The following SH3GL3 variants were observed in gnomAD, a reference collection of about 807,000 sequenced individuals.
SH3GL3 encodes the protein SH3 domain containing GRB2 like 3, endophilin A3.
A neutral mutation model predicts 47.7 loss-of-function variants in SH3GL3; 33 were observed. That is an observed-to-expected ratio of 0.69 (90% CI 0.52 to 0.92). The LOEUF is 0.92. SH3GL3 is among the 40% of genes least tolerant of loss of function. The probability of loss-of-function intolerance (pLI) is 0.00; values close to 1 mark genes in which losing one functional copy is unlikely to be tolerated. For synonymous variants in SH3GL3, 155 were observed against 148.8 expected, an observed-to-expected ratio of 1.04 and a Z score of -0.30; for missense variants, 363 against 417.8, an observed-to-expected ratio of 0.87 and a Z score of 1.14.
At chr15:83,596,689 C>T (rs1428724140) in intron 8 of SH3GL3, among the ~76,000 whole-genome samples, 2 of 152,104 alleles carry the variant, frequency 1.3e-5, no homozygotes, top group Admixed American at 1.3e-4. Flanking sequence ...AGGCTGGTCT[C>T]CAACTCCTGG....
intron 1 of SH3GL3, among the ~76,000 whole-genome samples, chr15:83,487,899 C>G (rs536181272): frequency 7.1e-6 from 1 of 139,958 alleles, no homozygotes; most frequent in Non-Finnish European, 1.5e-5. Context: ...TTTCCTGAGA[C>G]GGAGTCTTGC....
intron 1 of SH3GL3, among the ~76,000 whole-genome samples, chr15:83,463,767 C>CTTTTTTTTTTTTTT (rs910419812): frequency 8.1e-6 from 1 of 122,924 alleles, no homozygotes; most frequent in East Asian, 2.4e-4. Context: ...TTCTTTCTTT[C>CTTTTTTTTTTTTTT]TTTTTTTTTT....
At chr15:83,618,900 C>T (rs760500761), downstream of SH3GL3, among the ~76,000 whole-genome samples, 11 of 152,214 alleles carry the variant, frequency 7.2e-5, no homozygotes, top group Non-Finnish European at 1.2e-4. Context: ...AAACATGACA[C>T]GAATCCTCCT....
intron 1 of SH3GL3, among the ~76,000 whole-genome samples, chr15:83,450,790 CTT>C (rs11389151): frequency 4.4e-5 from 2 of 45,396 alleles, no homozygotes; most frequent in African/African-American, 2.0e-4. Flanking sequence ...TATAGATTTT[CTT>C]TTTTTTTTTT....
intron 2 of SH3GL3, among the ~76,000 whole-genome samples, 184 bp from the exon 3 acceptor site, chr15:83,564,950 G>A (rs1215000548): frequency 6.6e-6 from 1 of 152,112 alleles, no homozygotes; most frequent in Non-Finnish European, 1.5e-5. Context: ...AGGAAATGAT[G>A]TTCCAAAAAT....
At chr15:83,620,359 A>C (rs1030185606), downstream of SH3GL3, among the ~76,000 whole-genome samples, 22 of 152,230 alleles carry the variant, frequency 1.4e-4, no homozygotes, top group Non-Finnish European at 4.4e-5. Flanking sequence ...ATCCATCAAT[A>C]GAATCACTAG....
At chr15:83,617,617 A>T (rs1234179099) in intron 8 of SH3GL3, among the ~76,000 whole-genome samples, 1 of 152,224 alleles carries the variant, frequency 6.6e-6, no homozygotes, top group Admixed American at 6.5e-5. Flanking sequence ...CAGAGGTTAC[A>T]GTAAGCCAGG....
intron 8 of SH3GL3, among the ~76,000 whole-genome samples, chr15:83,592,544 C>G (rs1281439048): frequency 6.6e-6 from 1 of 152,182 alleles, no homozygotes; most frequent in East Asian, 1.9e-4. Context: ...TAAAGTTTGG[C>G]TTTCACTCCT....
chr15:83,450,251 G>T (rs1440098361), intron 1 of SH3GL3, among the ~76,000 whole-genome samples: 1 of 152,184 alleles, frequency 6.6e-6, no homozygotes, highest in East Asian at 1.9e-4. Flanking sequence ...CACTTTAAGA[G>T]AATTGTATGG....
chr15:83,457,105 A>C (rs930058037), intron 1 of SH3GL3, among the ~76,000 whole-genome samples: 6 of 152,184 alleles, frequency 3.9e-5, no homozygotes, highest in Non-Finnish European at 5.9e-5. Context: ...TTTATTGTTG[A>C]AGAAGGAAGT....
At chr15:83,581,522 C>T (rs1391681118) in intron 6 of SH3GL3, among the ~76,000 whole-genome samples, 2 of 152,214 alleles carry the variant, frequency 1.3e-5, no homozygotes, top group African/African-American at 4.8e-5. Context: ...AGCCAGATGA[C>T]ACACGATCTT....
intron 1 of SH3GL3, among the ~76,000 whole-genome samples, chr15:83,495,811 T>C (rs2042052485): frequency 6.6e-6 from 1 of 152,300 alleles, no homozygotes; most frequent in East Asian, 1.9e-4. Flanking sequence ...GAATGGACTT[T>C]CCTTATGATA....
chr15:83,505,481 G>A (rs2042459349), intron 1 of SH3GL3, among the ~76,000 whole-genome samples: 1 of 149,976 alleles, frequency 6.7e-6, no homozygotes, highest in African/African-American at 2.5e-5. Flanking sequence ...GGAGTCAAGA[G>A]GTTGTGCACT....
chr15:83,599,805 T>C (rs965041584), intron 8 of SH3GL3, among the ~76,000 whole-genome samples: 2 of 152,178 alleles, frequency 1.3e-5, no homozygotes, highest in Non-Finnish European at 2.9e-5. Context: ...TTTACATTCT[T>C]ACCAGCAGTG....
chr15:83,579,772 G>A (rs1191857570), intron 6 of SH3GL3, among the ~76,000 whole-genome samples: 1 of 152,068 alleles, frequency 6.6e-6, no homozygotes, highest in Non-Finnish European at 1.5e-5. Context: ...GATTGTTTAG[G>A]CTTCAGAAGC....
the SH3GL3 span, among the ~76,000 whole-genome samples, chr15:83,624,923 C>A: frequency 6.6e-6 from 1 of 152,114 alleles, no homozygotes; most frequent in Non-Finnish European, 1.5e-5. Context: ...TTTTCATCTC[C>A]CACTCCACCT....
chr15:83,483,832 C>T (rs760231037), intron 1 of SH3GL3, among the ~76,000 whole-genome samples: 1 of 152,188 alleles, frequency 6.6e-6, no homozygotes, highest in Non-Finnish European at 1.5e-5. Context: ...CCATCCTTGC[C>T]TTAGGAATTC....
chr15:83,595,016 A>C (rs1401339752), intron 8 of SH3GL3, among the ~76,000 whole-genome samples: 1 of 152,202 alleles, frequency 6.6e-6, no homozygotes, highest in African/African-American at 2.4e-5. Flanking sequence ...TACCCAAAGG[A>C]ATATAAATCA....
chr15:83,574,007 G>A (rs1043581617), intron 5 of SH3GL3, among the ~76,000 whole-genome samples: 2 of 152,208 alleles, frequency 1.3e-5, no homozygotes, highest in African/African-American at 4.8e-5. Flanking sequence ...CAGAGGAGGA[G>A]AAGCTGGCTA....
Sources: gnomAD v4.1 joint callset for allele counts (sites outside exome capture counted in the v4.1 genomes callset) on GRCh38, gnomAD v4.1.1 for gene constraint, MANE v1.5 for transcripts, NCBI Gene and HGNC (gene_info 2026-07-23, HGNC 2026-07-21) for gene names.